The following RNLS variants were observed in gnomAD, a reference collection of about 807,000 sequenced individuals.
RNLS encodes the protein renalase, FAD dependent amine oxidase, also known as renalase.
RNLS carries 39 observed loss-of-function variants against 39.8 expected under a neutral mutation model. The ratio of observed to expected loss-of-function variants is 0.98; its 90% CI spans 0.76 to 1.28. RNLS has a LOEUF of 1.28. RNLS is among the 50% of genes most tolerant of loss of function. RNLS has a pLI of 0.00. For missense variants in RNLS, 410 were observed against 413.3 expected, an observed-to-expected ratio of 0.99 and a Z score of 0.07; for synonymous variants, 147 against 150.7, an observed-to-expected ratio of 0.98 and a Z score of 0.18.
intron 6 of RNLS, among the ~76,000 whole-genome samples, chr10:88,293,006 G>T (rs1843782529): frequency 6.6e-6 from 1 of 152,132 alleles, no homozygotes; most frequent in Non-Finnish European, 1.5e-5. Context: ...CTGAGATCAT[G>T]CCATTGCACT....
intron 4 of RNLS, among the ~76,000 whole-genome samples, chr10:88,471,679 G>A (rs1843536872): frequency 6.6e-6 from 1 of 152,156 alleles, no homozygotes; most frequent in African/African-American, 2.4e-5. Flanking sequence ...GTGAAAGGAC[G>A]CAGATTAAAA....
intron 5 of RNLS, among the ~76,000 whole-genome samples, chr10:88,323,768 C>T (rs55932856): frequency 6.6e-6 from 1 of 151,800 alleles, no homozygotes; most frequent in East Asian, 1.9e-4. Flanking sequence ...TTTAATTAAA[C>T]TAATTAACAG....
chr10:88,182,624 A>G, the RNLS span, among the ~76,000 whole-genome samples: 2 of 152,096 alleles, frequency 1.3e-5, no homozygotes, highest in Non-Finnish European at 2.9e-5. Context: ...AAAAATCAGA[A>G]TTATACATAA....
intron 5 of RNLS, among the ~76,000 whole-genome samples, chr10:88,351,879 T>C (rs1848740430): frequency 6.6e-6 from 1 of 152,238 alleles, no homozygotes; most frequent in African/African-American, 2.4e-5. Flanking sequence ...TTTTATTTTG[T>C]TGAGTAGTGG....
At chr10:88,181,939 C>T in the RNLS span, among the ~76,000 whole-genome samples, 1 of 152,144 alleles carries the variant, frequency 6.6e-6, no homozygotes, top group Non-Finnish European at 1.5e-5. Context: ...TATGGTGAAG[C>T]TGCTCCCTAA....
At chr10:88,380,606 G>C (rs1032205301) in intron 4 of RNLS, among the ~76,000 whole-genome samples, 97 of 151,146 alleles carry the variant, frequency 6.4e-4, no homozygotes, top group African/African-American at 2.4e-3. Context: ...GGATGGTCTC[G>C]ATCTCCTGAC....
intron 4 of RNLS, among the ~76,000 whole-genome samples, chr10:88,426,163 G>A (rs772447975): frequency 6.6e-6 from 1 of 151,980 alleles, no homozygotes; most frequent in Admixed American, 6.6e-5. Context: ...ATGGCTCTTT[G>A]TACTCAAGAA....
At chr10:88,320,465 C>A (rs1846100742) in intron 5 of RNLS, among the ~76,000 whole-genome samples, 1 of 148,292 alleles carries the variant, frequency 6.7e-6, no homozygotes. Flanking sequence ...TTGAACATAA[C>A]AGCATAAAAG....
chr10:88,545,108 A>G (rs1465433551), intron 4 of RNLS, among the ~76,000 whole-genome samples: 1 of 152,120 alleles, frequency 6.6e-6, no homozygotes, highest in African/African-American at 2.4e-5. Flanking sequence ...TTCTTACTCT[A>G]GAAGCCCCCT....
the RNLS span, among the ~76,000 whole-genome samples, chr10:88,215,271 A>G: frequency 6.6e-6 from 1 of 152,118 alleles, no homozygotes; most frequent in Admixed American, 6.6e-5. Context: ...TTAGATTTAA[A>G]ATTTCATTGA....
chr10:88,538,390 A>G (rs995211059), intron 4 of RNLS, among the ~76,000 whole-genome samples: 2 of 152,184 alleles, frequency 1.3e-5, no homozygotes, highest in Admixed American at 6.6e-5. Context: ...AAAAAATACA[A>G]CAAACAATGT....
the RNLS span, among the ~76,000 whole-genome samples, chr10:88,189,086 C>A: frequency 6.6e-6 from 1 of 152,134 alleles, no homozygotes. Context: ...TTCTAATATT[C>A]TAAGCTTTCC....
intron 4 of RNLS, among the ~76,000 whole-genome samples, chr10:88,392,479 C>T (rs1221507785): frequency 2.0e-5 from 3 of 152,190 alleles, no homozygotes; most frequent in Non-Finnish European, 4.4e-5. Context: ...GCTCCAAATG[C>T]ACACAGAGCC....
At chr10:88,455,960 G>A (rs1196541354) in intron 4 of RNLS, among the ~76,000 whole-genome samples, 4 of 152,228 alleles carry the variant, frequency 2.6e-5, no homozygotes, top group Admixed American at 2.6e-4. Flanking sequence ...GCTCCAGTGA[G>A]CATCGAACAG....
At chr10:88,418,326 C>T (rs779326629) in intron 4 of RNLS, among the ~76,000 whole-genome samples, 6 of 152,272 alleles carry the variant, frequency 3.9e-5, no homozygotes, top group Non-Finnish European at 8.8e-5. Context: ...TCCTCAGTCA[C>T]TCAGATGTAT....
intron 5 of RNLS, among the ~76,000 whole-genome samples, chr10:88,360,669 C>T (rs1849572834): frequency 6.6e-6 from 1 of 152,112 alleles, no homozygotes; most frequent in African/African-American, 2.4e-5. Context: ...AACTCCTGAC[C>T]TCTTGATCCA....
At chr10:88,432,081 C>A (rs1472850887) in intron 4 of RNLS, among the ~76,000 whole-genome samples, 2 of 151,594 alleles carry the variant, frequency 1.3e-5, no homozygotes, top group African/African-American at 4.8e-5. Flanking sequence ...TGGATTTTGT[C>A]TACTTCTTCT....
At chr10:88,349,196 C>A (rs1354928739) in intron 5 of RNLS, among the ~76,000 whole-genome samples, 1 of 152,086 alleles carries the variant, frequency 6.6e-6, no homozygotes, top group Admixed American at 6.6e-5. Flanking sequence ...GCAGTATATT[C>A]CATAAGATGT....
At chr10:88,524,921 C>T (rs1846987362) in intron 4 of RNLS, among the ~76,000 whole-genome samples, 1 of 135,378 alleles carries the variant, frequency 7.4e-6, no homozygotes, top group African/African-American at 2.8e-5. Context: ...CATTTAAACT[C>T]CATGTATGCC....
Sources: gnomAD v4.1 joint callset for allele counts (sites outside exome capture counted in the v4.1 genomes callset) on GRCh38, gnomAD v4.1.1 for gene constraint, MANE v1.5 for transcripts, NCBI Gene and HGNC (gene_info 2026-07-23, HGNC 2026-07-21) for gene names.